Variants in ZSCAN5A observed in about 807,000 individuals in gnomAD.
The protein encoded by ZSCAN5A is zinc finger and SCAN domain containing 5A.
ZSCAN5A carries 12 observed loss-of-function variants against 23.7 expected under a neutral mutation model. That is an observed-to-expected ratio of 0.51 (90% CI 0.32 to 0.82). The LOEUF (loss-of-function observed/expected upper bound fraction) is 0.82. Among genes scored for constraint, ZSCAN5A ranks in the 40% least tolerant of loss-of-function variants. The pLI is 0.03. For missense variants in ZSCAN5A, 597 were observed against 617.9 expected (o/e 0.97, Z 0.36); for synonymous variants, 257 against 239.9 (o/e 1.07, Z -0.66).
intron 2 of ZSCAN5A, among the ~76,000 whole-genome samples, chr19:56,268,819 C>T (rs934153581): frequency 6.6e-6 from 1 of 152,170 alleles, no homozygotes; most frequent in Non-Finnish European, 1.5e-5. Context: ...CAACCACTAT[C>T]TACTTTCTGT....
chr19:56,346,706 T>G (rs184638154), intron 2 of ZSCAN5A, among the ~76,000 whole-genome samples: 1 of 151,706 alleles, frequency 6.6e-6, no homozygotes, highest in African/African-American at 2.4e-5. Context: ...TATTACTTTT[T>G]TTTATTTTTT....
intron 2 of ZSCAN5A, chr19:56,320,284 G>T: frequency 2.2e-6 from 1 of 445,418 alleles, no homozygotes; most frequent in South Asian, 1.9e-5. Flanking sequence ...AGAAAGGCCA[G>T]GCGAGGCTGA....
intron 2 of ZSCAN5A, among the ~76,000 whole-genome samples, chr19:56,257,698 G>A (rs2036805370): frequency 3.0e-5 from 4 of 132,324 alleles, no homozygotes; most frequent in Admixed American, 7.6e-5. Flanking sequence ...AGACACAGGC[G>A]CCGGGGGACT....
At chr19:56,320,962 A>G in intron 2 of ZSCAN5A, 1 of 738,276 alleles carries the variant, frequency 1.4e-6, no homozygotes, top group East Asian at 2.5e-5. Context: ...GGGTTTTGAT[A>G]GCAGCATTTA....
chr19:56,288,561 A>T (rs185057632), intron 2 of ZSCAN5A, among the ~76,000 whole-genome samples: 287 of 152,218 alleles, frequency 1.9e-3, no homozygotes, highest in Admixed American at 0.012. Context: ...CTAGTCTGTG[A>T]GCTCCCTGAG....
chr19:56,323,020 A>G (rs1360643011), intron 2 of ZSCAN5A, among the ~76,000 whole-genome samples: 1 of 148,086 alleles, frequency 6.8e-6, no homozygotes, highest in Non-Finnish European at 1.5e-5. Flanking sequence ...TCAGCCTCCC[A>G]AGTAGCTGGG....
intron 2 of ZSCAN5A, among the ~76,000 whole-genome samples, chr19:56,342,212 T>A (rs2041598027): frequency 6.6e-6 from 1 of 152,058 alleles, no homozygotes; most frequent in Admixed American, 6.5e-5. Context: ...GTTCTAAATA[T>A]CACTTTTTCT....
intron 2 of ZSCAN5A, chr19:56,297,560 A>C (rs1448304227): frequency 3.1e-6 from 3 of 979,764 alleles, no homozygotes; most frequent in East Asian, 1.1e-4. Flanking sequence ...ACCATTCCTC[A>C]TCTATAAGAC....
chr19:56,358,011 CAAAG>C lies in ZSCAN5A; in HGVS notation c.-358+5220_-358+5223del, dbSNP rs1360123378. Among the ~76,000 whole-genome samples the C allele has an allele frequency of 4.7e-5, 7 of 148,752 alleles. 1 individual carries two copies. The highest frequency in any genetic ancestry group is 1.8e-4 in the African/African-American group (7 of 39,464). ...TTAAACCAAGAAAGGTCAAAAAAGACAAAGAAGGGCATTAGGTAATGGTAAAAAC... is the reference window on the plus strand; with the variant it reads ...TTAAACCAAGAAAGGTCAAAAAAGACAAGGGCATTAGGTAATGGTAAAAAC... On this transcript the variant is annotated intron_variant, in intron 2 of 6. Coordinates refer to the ZSCAN5A transcript ENST00000587340.
At chr19:56,305,293 A>G (rs2040611531) in intron 2 of ZSCAN5A, among the ~76,000 whole-genome samples, 2 of 152,202 alleles carry the variant, frequency 1.3e-5, no homozygotes, top group African/African-American at 4.8e-5. Flanking sequence ...TCTGTCTCTG[A>G]GAACTCACCT....
chr19:56,247,609 A>C (rs1432915672), intron 2 of ZSCAN5A: 2 of 154,948 alleles, frequency 1.3e-5, no homozygotes, highest in African/African-American at 4.8e-5. Flanking sequence ...GTAAATATTC[A>C]TTCTCCCCAC....
chr19:56,337,032 GGA>G, intron 2 of ZSCAN5A, among the ~76,000 whole-genome samples: 4 of 152,206 alleles, frequency 2.6e-5, no homozygotes, highest in Non-Finnish European at 5.9e-5. Context: ...CGGGGGTCAG[GGA>G]CCCACTTGAG....
At chr19:56,254,174 A>G (rs1382410310) in intron 2 of ZSCAN5A, among the ~76,000 whole-genome samples, 1 of 151,672 alleles carries the variant, frequency 6.6e-6, no homozygotes, top group African/African-American at 2.4e-5. Context: ...ACTAGAATGT[A>G]TATTTAAATT....
At chr19:56,363,751 T>C (rs2041748187) in intron 1 of ZSCAN5A, among the ~76,000 whole-genome samples, 1 of 152,242 alleles carries the variant, frequency 6.6e-6, no homozygotes, top group Non-Finnish European at 1.5e-5. Flanking sequence ...ATTTAGGTTA[T>C]TTGGCAGAAG....
chr19:56,240,303 G>A (rs958563878), intron 2 of ZSCAN5A, among the ~76,000 whole-genome samples: 1 of 152,190 alleles, frequency 6.6e-6, no homozygotes. Context: ...TATTTGCACA[G>A]TAGGCATGTT....
chr19:56,252,897 C>A (rs986754116), intron 2 of ZSCAN5A, among the ~76,000 whole-genome samples: 2 of 152,182 alleles, frequency 1.3e-5, no homozygotes, highest in Non-Finnish European at 2.9e-5. Context: ...CAGGGGGCCC[C>A]ATTCACGTGG....
In ZSCAN5A at chr19:56,221,386, C is replaced by T; in HGVS notation, c.*189G>A. The T allele has an allele frequency of 1.7e-6, 1 of 580,116 alleles. No individual in the cohort carries two copies. Among genetic ancestry groups the T allele is most frequent in the Non-Finnish European group, 2.9e-6 (1 of 349,572 alleles). The allele number at this position is 580,116 out of a possible 1,614,324, so 35.9% of individuals were successfully genotyped here. ...AATAAACCTATAAGAAAACAATGGACATAATGAAACAGAAAACAAAGCTCA... is the reference window on the plus strand; with the variant it reads ...AATAAACCTATAAGAAAACAATGGATATAATGAAACAGAAAACAAAGCTCA... On this transcript the variant is annotated 3_prime_UTR_variant, in exon 6 of 6. Transcript: ENST00000683990.
chr19:56,337,151 CTT>C, intron 2 of ZSCAN5A, among the ~76,000 whole-genome samples: 1 of 152,244 alleles, frequency 6.6e-6, no homozygotes, highest in South Asian at 2.1e-4. Flanking sequence ...TTACTGCTGC[CTT>C]TTGTTTGTCT....
chr19:56,282,142 A>C (rs775334107), intron 2 of ZSCAN5A, among the ~76,000 whole-genome samples: 14 of 152,088 alleles, frequency 9.2e-5, no homozygotes, highest in Non-Finnish European at 2.1e-4. Flanking sequence ...CCTTTCCCAG[A>C]ATTAACATCC....
Sources: gnomAD v4.1 joint callset for allele counts (sites outside exome capture counted in the v4.1 genomes callset) on GRCh38, gnomAD v4.1.1 for gene constraint, MANE v1.5 for transcripts, NCBI Gene and HGNC (gene_info 2026-07-23, HGNC 2026-07-21) for gene names.